Variants in EIF2B3 observed in about 807,000 individuals in gnomAD.
The protein encoded by EIF2B3 is translation initiation factor eIF2B subunit gamma.
In EIF2B3, 20 loss-of-function variants were observed where a neutral mutation model predicts 54.1. The ratio of observed to expected loss-of-function variants is 0.37; its 90% confidence interval spans 0.26 to 0.54. EIF2B3 has a LOEUF of 0.54. EIF2B3 is among the 20% of genes least tolerant of loss of function. The pLI is 0.86. For synonymous variants in EIF2B3, 153 were observed against 188.1 expected (o/e 0.81, Z 1.52); for missense variants, 448 against 547.8 (o/e 0.82, Z 1.82).
At position 44,881,681 on chromosome 1, in the gene EIF2B3, A is replaced by G. The variant is rs775070429; in HGVS notation, c.715T>C (p.Ser239Pro). 1 of 1,614,182 alleles carries G rather than the reference A, an allele frequency of 6.2e-7. No individual in the cohort carries two copies. The highest frequency in any genetic ancestry group is 2.2e-5 in the East Asian group (1 of 44,890). The stretch of plus-strand genomic sequence containing the variant: ...TCTTGTCCCTGTTGTGAGGAAGCTG[A>G]GGAAAACTGTTTTCTCACTAAATAT... The part of the protein sequence containing the change: ...IPYLVRKQFS[S>P]ASSQQGQEEK... The change falls in exon 7 of 12, where the codon TCA becomes CCA. Residue 239 changes from serine (S) to proline (P), a missense_variant. Ser to Pro is a moderately conservative substitution (Grantham distance 74). Coordinates refer to ENST00000360403, the MANE Select transcript of EIF2B3 (RefSeq NM_020365.5). This position sits in a 1 kb window ranked among gnomAD's most constrained non-coding sequence, Gnocchi z 4.0.
Position 44,922,294 on chromosome 1 carries a change from C to A in EIF2B3, c.566+4334G>T, listed in dbSNP as rs956211052. ...TATTTTGATAGGGATTGCATAAAATCTATAGATTGCAGCCAGGCATGGTGG... is the reference window on the plus strand; with the variant it reads ...TATTTTGATAGGGATTGCATAAAATATATAGATTGCAGCCAGGCATGGTGG... On this transcript the variant is annotated intron_variant, in intron 5 of 11. Coordinates refer to ENST00000360403, the MANE Select transcript of EIF2B3 (RefSeq NM_020365.5). Among the ~76,000 whole-genome samples the A allele has an allele frequency of 8.4e-4, 127 of 150,720 alleles. 1 individual carries two copies. Among genetic ancestry groups the A allele is most frequent in the Non-Finnish European group, 4.4e-4 (30 of 67,740 alleles).
At chr1:44,889,740 G>A (rs957669563) in intron 6 of EIF2B3, among the ~76,000 whole-genome samples, 2 of 151,964 alleles carry the variant, frequency 1.3e-5, no homozygotes, top group Non-Finnish European at 2.9e-5. Context: ...TGTTGCCCAG[G>A]CTGGTCTCAA....
intron 3 of EIF2B3, among the ~76,000 whole-genome samples, chr1:44,963,468 C>T (rs1282565031): frequency 1.3e-5 from 2 of 151,966 alleles, no homozygotes; most frequent in Non-Finnish European, 2.9e-5. Context: ...CAGGGTTTTG[C>T]CACGTTGTCC....
chr1:44,886,343 G>A (rs1310822201), intron 6 of EIF2B3, among the ~76,000 whole-genome samples: 1 of 152,096 alleles, frequency 6.6e-6, no homozygotes, highest in Non-Finnish European at 1.5e-5. Flanking sequence ...GCCTCCCAAA[G>A]TGCTGGGATT....
At chr1:44,901,261 G>A (rs895997147) in intron 5 of EIF2B3, among the ~76,000 whole-genome samples, 4 of 151,866 alleles carry the variant, frequency 2.6e-5, no homozygotes, top group Middle Eastern at 3.4e-3. Flanking sequence ...GATTACAAGC[G>A]CCCACCACCA....
chr1:44,954,154 A>G (rs1234686669), intron 3 of EIF2B3, among the ~76,000 whole-genome samples: 2 of 152,198 alleles, frequency 1.3e-5, no homozygotes, highest in Admixed American at 6.5e-5. Flanking sequence ...CAAAAAAGAC[A>G]AAACAACTCA....
intron 10 of EIF2B3, among the ~76,000 whole-genome samples, chr1:44,860,489 T>C (rs1282865157): frequency 6.6e-6 from 1 of 152,174 alleles, no homozygotes; most frequent in Non-Finnish European, 1.5e-5. Flanking sequence ...ACTATTTTTA[T>C]CTCTGATGCA....
In EIF2B3 at chr1:44,875,708, G is replaced by A. The variant is rs780208788; in HGVS notation, c.976-13C>T. 1.9e-6 allele frequency: 3 copies of A among 1,612,854 alleles called. No homozygotes were observed. Among genetic ancestry groups the A allele is most frequent in the Non-Finnish European group, 1.7e-6 (2 of 1,178,828 alleles). ...GCAATTTGGGCACCTTAAGGACAGAGATTTGGTCACTAAAGATCAGAAAAC... is the reference window on the plus strand; with the variant it reads ...GCAATTTGGGCACCTTAAGGACAGAAATTTGGTCACTAAAGATCAGAAAAC... On this transcript the variant is annotated splice_polypyrimidine_tract_variant and intron_variant, in intron 8 of 11. Coordinates refer to ENST00000360403, the MANE Select transcript of EIF2B3 (RefSeq NM_020365.5).
chr1:44,908,398 C>T (rs1262608394), intron 5 of EIF2B3, among the ~76,000 whole-genome samples: 1 of 152,126 alleles, frequency 6.6e-6, no homozygotes, highest in Non-Finnish European at 1.5e-5. Context: ...AAAATCTTCA[C>T]AGAAAAATGA....
At chr1:44,882,922 C>CTTCTTCT (rs1655452548) in intron 6 of EIF2B3, among the ~76,000 whole-genome samples, 1 of 135,272 alleles carries the variant, frequency 7.4e-6, no homozygotes, top group Non-Finnish European at 1.6e-5. Flanking sequence ...ACTTTTTTTT[C>CTTCTTCT]TTTTTCTTTT....
At chr1:44,898,322 C>T (rs567472583) in intron 5 of EIF2B3, among the ~76,000 whole-genome samples, 1 of 152,136 alleles carries the variant, frequency 6.6e-6, no homozygotes, top group Non-Finnish European at 1.5e-5. Context: ...TATTGGATAA[C>T]TTAACATATA....
At chr1:44,875,594 C>T (rs760718955) in intron 9 of EIF2B3, 24 bp downstream of exon 9, 33 of 1,610,574 alleles carry the variant, frequency 2.0e-5, no homozygotes, top group African/African-American at 2.7e-5. Context: ...ATCTCATGCC[C>T]GTCCTGGCCA....
intron 6 of EIF2B3, among the ~76,000 whole-genome samples, chr1:44,892,563 G>A (rs994406819): frequency 6.6e-5 from 10 of 151,636 alleles, no homozygotes; most frequent in African/African-American, 1.5e-4. Flanking sequence ...CCAGCCTGGC[G>A]AAAGAGCAAG....
intron 5 of EIF2B3, among the ~76,000 whole-genome samples, chr1:44,924,290 T>C (rs1643809336): frequency 6.6e-6 from 1 of 152,130 alleles, no homozygotes; most frequent in Admixed American, 6.5e-5. Context: ...ATCACTGATA[T>C]CTCAGACCAT....
intron 3 of EIF2B3, among the ~76,000 whole-genome samples, chr1:44,943,812 T>C (rs933182716): frequency 5.9e-5 from 9 of 152,204 alleles, no homozygotes; most frequent in Admixed American, 1.3e-4. Context: ...AATGGCTATT[T>C]GTATAACTAA....
At chr1:44,936,753 G>C (rs1302850479) in intron 4 of EIF2B3, among the ~76,000 whole-genome samples, 1 of 152,170 alleles carries the variant, frequency 6.6e-6, no homozygotes, top group African/African-American at 2.4e-5. Context: ...ATAAATATGT[G>C]ATATAGAATG....
At chr1:44,880,185 G>A (rs531943972) in intron 7 of EIF2B3, among the ~76,000 whole-genome samples, 177 bp from the exon 8 acceptor site, 26 of 152,186 alleles carry the variant, frequency 1.7e-4, no homozygotes, top group African/African-American at 6.3e-4. Flanking sequence ...TGAGCAGCTG[G>A]GACTACAGGT....
intron 10 of EIF2B3, among the ~76,000 whole-genome samples, chr1:44,868,217 T>C (rs550501881): frequency 5.9e-5 from 9 of 151,928 alleles, no homozygotes; most frequent in Admixed American, 3.3e-4. Context: ...GCTAATATGG[T>C]GAAACCCCGT....
intron 5 of EIF2B3, among the ~76,000 whole-genome samples, chr1:44,899,422 A>C (rs1225507926): frequency 6.6e-6 from 1 of 152,228 alleles, no homozygotes; most frequent in Non-Finnish European, 1.5e-5. Flanking sequence ...AAATATTCTC[A>C]AACTATGCAA....
Sources: gnomAD v4.1 joint callset for allele counts (sites outside exome capture counted in the v4.1 genomes callset) on GRCh38, gnomAD v4.1.1 for gene constraint, Gnocchi (gnomAD v3.1) non-coding constraint, MANE v1.5 for transcripts, NCBI Gene and HGNC (gene_info 2026-07-23, HGNC 2026-07-21) for gene names.